MB21D2: variants seen among roughly 807,000 people sequenced by gnomAD.
MB21D2 encodes the protein nucleotidyltransferase MB21D2.
Under a neutral mutation model 33.3 loss-of-function variants are expected in MB21D2, and 9 were observed. The observed-to-expected ratio is 0.27, with a 90% CI of 0.16 to 0.47. The LOEUF is 0.47. Among genes scored for constraint, MB21D2 ranks in the 20% least tolerant of loss-of-function variants. The pLI is 0.99. For missense variants in MB21D2, 540 were observed against 624.6 expected (o/e 0.86, Z 1.44); for synonymous variants, 241 against 236.3 (o/e 1.02, Z -0.18).
At chr3:192,912,658 G>T (rs752199891) in intron 1 of MB21D2, among the ~76,000 whole-genome samples, 4 of 151,806 alleles carry the variant, frequency 2.6e-5, no homozygotes, top group Non-Finnish European at 5.9e-5. Flanking sequence ...GGGCAACAAG[G>T]GCAAAACTGT....
intron 1 of MB21D2, among the ~76,000 whole-genome samples, chr3:192,811,114 G>A (rs1243103755): frequency 2.0e-5 from 3 of 152,168 alleles, no homozygotes; most frequent in Non-Finnish European, 4.4e-5. Context: ...ACACCATTGG[G>A]GCGACTGTCA....
intron 1 of MB21D2, among the ~76,000 whole-genome samples, chr3:192,807,039 G>A (rs1279767584): frequency 2.6e-5 from 4 of 152,316 alleles, no homozygotes; most frequent in Middle Eastern, 3.4e-3. Context: ...TTCTTAGTGT[G>A]TAGTTTTGTG....
At chr3:192,803,184 G>A (rs902148010) in intron 1 of MB21D2, among the ~76,000 whole-genome samples, 1 of 152,134 alleles carries the variant, frequency 6.6e-6, no homozygotes. Context: ...GTTTTAACCT[G>A]TTTTCACTTG....
chr3:192,898,901 G>A (rs180935110), intron 1 of MB21D2, among the ~76,000 whole-genome samples: 4 of 152,296 alleles, frequency 2.6e-5, no homozygotes, highest in African/African-American at 9.6e-5. Context: ...TGGGATGAGA[G>A]AGATGGGGCT....
rs374978630 is a variant in MB21D2 at position 192,798,336 on chromosome 3, G to A, written c.*50C>T. The stretch of plus-strand genomic sequence containing the variant: ...AGAAAGATAGCATCACAAACCACAC[G>A]ACACATTATCAGAGTTTAAGAATCA... On this transcript the variant is annotated 3_prime_UTR_variant, in exon 2 of 2. Coordinates refer to ENST00000392452, the MANE Select transcript of MB21D2 (RefSeq NM_178496.4). The surrounding 1 kb of genome is among the most constrained non-coding windows in gnomAD (Gnocchi z 4.8). 2.2e-5 allele frequency: 34 copies of A among 1,573,634 alleles called. No homozygotes were observed. In the African/African-American group the frequency reaches 3.4e-4, roughly 16 times the overall value.
At chr3:192,841,178 A>T (rs1254205630) in intron 1 of MB21D2, among the ~76,000 whole-genome samples, 2 of 152,246 alleles carry the variant, frequency 1.3e-5, no homozygotes, top group Non-Finnish European at 2.9e-5. Flanking sequence ...GGAACCACAC[A>T]GTCAATGAGA....
At chr3:192,885,697 G>A (rs1713717258) in intron 1 of MB21D2, among the ~76,000 whole-genome samples, 1 of 152,098 alleles carries the variant, frequency 6.6e-6, no homozygotes, top group South Asian at 2.1e-4. Flanking sequence ...GGCTCTCTGA[G>A]TAGAAGATAC....
rs774347990 is a variant in MB21D2 at position 192,896,442 on chromosome 3, CT to C, written c.211+21187del. Among the ~76,000 whole-genome samples, 428 of 106,722 alleles carry C rather than the reference CT, an allele frequency of 4.0e-3. 1 individual carries two copies. Among genetic ancestry groups the C allele is most frequent in the Non-Finnish European group, 5.8e-3 (281 of 48,554 alleles). 70.0% of individuals were successfully genotyped at this position (106,722 alleles called of 152,430 possible). On this transcript the variant is annotated intron_variant, in intron 1 of 1. Transcript: ENST00000392452. ...AGTCATAGTACACTGCAACTTCGAC[CT>C]CTGGGCCACAAGTGATCCACCCACC...
In MB21D2 at chr3:192,799,042, C is replaced by A. The variant is rs1186499329; in HGVS notation, c.820G>T (p.Val274Leu). The change falls in exon 2 of 2, where the codon GTG becomes TTG. Residue 274 changes from valine (V) to leucine (L), a missense_variant. Transcript: ENST00000392452. This position sits in a 1 kb window ranked among gnomAD's most constrained non-coding sequence, Gnocchi z 4.1. ...EEEVISGFYLVPACSYKGKKD... is the reference protein window; with the variant it reads ...EEEVISGFYLLPACSYKGKKD... ...TTACCCTTGTAGGAGCAAGCAGGCA[C>A]CAAGTAAAACCCACTGATGACCTCT... The A allele has an allele frequency of 1.9e-6, 3 of 1,614,112 alleles. No homozygotes were observed. In the African/African-American group the frequency reaches 4.0e-5, roughly 22 times the overall value.
intron 1 of MB21D2, among the ~76,000 whole-genome samples, chr3:192,802,456 C>G (rs1391988255): frequency 6.6e-6 from 1 of 152,120 alleles, no homozygotes; most frequent in Non-Finnish European, 1.5e-5. Flanking sequence ...TACCTACTAC[C>G]CAAACAAAAA....
chr3:192,892,254 C>A (rs1269238082), intron 1 of MB21D2, among the ~76,000 whole-genome samples: 1 of 152,120 alleles, frequency 6.6e-6, no homozygotes, highest in East Asian at 1.9e-4. Flanking sequence ...CTCACTGGTC[C>A]CCACATCCAG....
At chr3:192,890,678 C>T (rs1057205339) in intron 1 of MB21D2, among the ~76,000 whole-genome samples, 8 of 151,852 alleles carry the variant, frequency 5.3e-5, no homozygotes, top group Admixed American at 2.6e-4. Flanking sequence ...ATTTTGAAAG[C>T]CATGAAGCCA....
At chr3:192,832,052 C>T (rs4686615) in intron 1 of MB21D2, among the ~76,000 whole-genome samples, 94,070 of 152,104 alleles carry the variant, frequency 0.62, 31,321 homozygotes, top group African/African-American at 0.87. Flanking sequence ...GAGAACCATC[C>T]ACAGCAGTGT....
At chr3:192,890,779 C>T (rs371239329) in intron 1 of MB21D2, among the ~76,000 whole-genome samples, 36 of 152,098 alleles carry the variant, frequency 2.4e-4, no homozygotes, top group Middle Eastern at 3.4e-3. Context: ...TACGTCATAA[C>T]GATCCTCCTC....
intron 1 of MB21D2, among the ~76,000 whole-genome samples, chr3:192,871,879 G>A (rs898090897): frequency 1.3e-5 from 2 of 152,170 alleles, no homozygotes; most frequent in Admixed American, 6.5e-5. Flanking sequence ...TCTCCCGGGT[G>A]GTTCAAAAGG....
At chr3:192,808,314 C>G (rs894834697) in intron 1 of MB21D2, among the ~76,000 whole-genome samples, 14 of 152,012 alleles carry the variant, frequency 9.2e-5, no homozygotes, top group African/African-American at 3.4e-4. Context: ...GATAATAGCA[C>G]TGAATGAAAT....
Position 192,798,358 on chromosome 3 carries a change from A to C in MB21D2, c.*28T>G. 6.2e-7 allele frequency: 1 copy of C among 1,606,134 alleles called. No individual in the cohort carries two copies. Among genetic ancestry groups the C allele is most frequent in the Non-Finnish European group, 8.5e-7 (1 of 1,174,936 alleles). ...CACGACACATTATCAGAGTTTAAGA[A>C]TCAGGAAAAAAAAAAGTCAGCTAAC... is the stretch of plus-strand genomic sequence containing the variant. On this transcript the variant is annotated 3_prime_UTR_variant, in exon 2 of 2. Transcript: ENST00000392452. The surrounding 1 kb of genome is among the most constrained non-coding windows in gnomAD (Gnocchi z 4.8).
At chr3:192,886,096 AT>A (rs1713726740) in intron 1 of MB21D2, among the ~76,000 whole-genome samples, 1 of 151,908 alleles carries the variant, frequency 6.6e-6, no homozygotes, top group Non-Finnish European at 1.5e-5. Context: ...AGTAGCTGGG[AT>A]TACAGGCGCC....
intron 1 of MB21D2, among the ~76,000 whole-genome samples, chr3:192,850,705 C>T (rs905811505): frequency 5.9e-5 from 9 of 152,168 alleles, no homozygotes; most frequent in Non-Finnish European, 1.2e-4. Flanking sequence ...CGTCTCCCTG[C>T]GGCCTAGATC....
Sources: allele counts gnomAD v4.1 joint callset (sites outside exome capture counted in the v4.1 genomes callset), GRCh38; gene constraint gnomAD v4.1.1; non-coding constraint Gnocchi (gnomAD v3.1); transcripts MANE v1.5; gene names NCBI Gene and HGNC (gene_info 2026-07-23, HGNC 2026-07-21).